Variants in ACTR3C observed in about 807,000 individuals in gnomAD.
ACTR3C encodes the protein actin related protein 3C, also known as actin-related protein 3C.
A neutral mutation model predicts 26.3 loss-of-function variants in ACTR3C; 18 were observed. The ratio of observed to expected loss-of-function variants is 0.68; its 90% confidence interval spans 0.47 to 1.01. ACTR3C has a LOEUF of 1.01. ACTR3C is among the 50% of genes least tolerant of loss of function. The pLI, the probability that ACTR3C is intolerant of heterozygous loss-of-function variation, is 0.00. For synonymous variants in ACTR3C, 55 were observed against 94.5 expected, an observed-to-expected ratio of 0.58 and a Z score of 2.42; for missense variants, 184 against 250.7, an observed-to-expected ratio of 0.73 and a Z score of 1.80.
the ACTR3C span, among the ~76,000 whole-genome samples, chr7:150,144,519 T>C: frequency 1.3e-5 from 2 of 150,082 alleles, no homozygotes; most frequent in African/African-American, 5.1e-5. The surrounding 1 kb of genome is among the most constrained non-coding windows in gnomAD (Gnocchi z 4.6). Flanking sequence ...AATAATATTA[T>C]TTTTTGTCCA....
At chr7:149,965,576 G>A in the ACTR3C span, among the ~76,000 whole-genome samples, 64 of 151,850 alleles carry the variant, frequency 4.2e-4, 3 homozygotes, top group East Asian at 2.9e-3. Context: ...TATTTGAAGG[G>A]AAAAGGCCTT....
At chr7:149,902,048 C>CA in the ACTR3C span, among the ~76,000 whole-genome samples, 4 of 150,542 alleles carry the variant, frequency 2.7e-5, no homozygotes, top group Non-Finnish European at 5.9e-5. Flanking sequence ...TCCTAAATGC[C>CA]AAAAAAGTCA....
chr7:150,226,416 C>G, the ACTR3C span, among the ~76,000 whole-genome samples: 1 of 151,912 alleles, frequency 6.6e-6, no homozygotes, highest in Non-Finnish European at 1.5e-5. Context: ...GTAATAGTAC[C>G]TCATTGCTTT....
the ACTR3C span, among the ~76,000 whole-genome samples, chr7:150,176,790 G>A: frequency 2.0e-5 from 3 of 150,756 alleles, no homozygotes; most frequent in Non-Finnish European, 4.4e-5. Flanking sequence ...CAGGAAACTC[G>A]GGGATCTTAT....
chr7:150,299,487 A>AAAAAAAAC (rs1795246510), intron 1 of ACTR3C, among the ~76,000 whole-genome samples: 1 of 143,622 alleles, frequency 7.0e-6, no homozygotes, highest in African/African-American at 2.8e-5. Context: ...AAAAAAAAAA[A>AAAAAAAAC]AAAAAAACAA....
chr7:150,232,417 C>T, the ACTR3C span, among the ~76,000 whole-genome samples: 1 of 151,846 alleles, frequency 6.6e-6, no homozygotes, highest in Non-Finnish European at 1.5e-5. Flanking sequence ...TTTCTATTTG[C>T]TATATTTGTT....
At chr7:150,033,309 C>G in the ACTR3C span, among the ~76,000 whole-genome samples, 2 of 152,186 alleles carry the variant, frequency 1.3e-5, no homozygotes, top group Admixed American at 1.3e-4. Flanking sequence ...CTGGGCTTTG[C>G]GTTTGCTCTA....
chr7:150,063,981 A>G, the ACTR3C span, among the ~76,000 whole-genome samples: 1 of 151,862 alleles, frequency 6.6e-6, no homozygotes, highest in African/African-American at 2.4e-5. Flanking sequence ...CCCACTTCCT[A>G]GAAGAAAAAT....
the ACTR3C span, among the ~76,000 whole-genome samples, chr7:150,158,851 C>T: frequency 6.8e-6 from 1 of 147,154 alleles, no homozygotes; most frequent in South Asian, 2.3e-4. Context: ...CACAGGCACA[C>T]ACACAGGCAT....
the ACTR3C span, among the ~76,000 whole-genome samples, chr7:149,905,597 G>A: frequency 1.2e-4 from 18 of 150,690 alleles, no homozygotes; most frequent in South Asian, 2.6e-3. Flanking sequence ...AAGTATCTGC[G>A]AAAAATTCAT....
intron 3 of ACTR3C, among the ~76,000 whole-genome samples, chr7:150,289,803 T>C (rs959207729): frequency 3.3e-5 from 5 of 152,174 alleles, no homozygotes; most frequent in African/African-American, 1.2e-4. Context: ...AATTCCAGAT[T>C]ATTCCAATAA....
At chr7:149,911,131 A>G in the ACTR3C span, among the ~76,000 whole-genome samples, 1 of 152,054 alleles carries the variant, frequency 6.6e-6, no homozygotes, top group East Asian at 1.9e-4. Flanking sequence ...GATGGAGGCA[A>G]TAGAGAGCCT....
chr7:150,106,813 C>A, the ACTR3C span, among the ~76,000 whole-genome samples: 7 of 145,292 alleles, frequency 4.8e-5, no homozygotes, highest in East Asian at 1.4e-3. Context: ...TTGGGGCATA[C>A]AGGTGCTTCC....
chr7:150,200,238 C>T, the ACTR3C span, among the ~76,000 whole-genome samples: 2 of 152,052 alleles, frequency 1.3e-5, no homozygotes, highest in Admixed American at 6.6e-5. Flanking sequence ...TTAGAATTAA[C>T]CTATTAGATT....
the ACTR3C span, among the ~76,000 whole-genome samples, chr7:150,012,664 C>T: frequency 6.7e-6 from 1 of 149,750 alleles, no homozygotes; most frequent in East Asian, 2.0e-4. Context: ...AAATGTTTTT[C>T]CCACTTTTTG....
chr7:150,190,980 C>G, the ACTR3C span, among the ~76,000 whole-genome samples: 1 of 152,138 alleles, frequency 6.6e-6, no homozygotes, highest in African/African-American at 2.4e-5. Flanking sequence ...AGTGACTGCC[C>G]CCATGATTCA....
chr7:150,190,785 T>C, the ACTR3C span, among the ~76,000 whole-genome samples: 1 of 152,212 alleles, frequency 6.6e-6, no homozygotes, highest in Non-Finnish European at 1.5e-5. Context: ...AGAGGTTTAA[T>C]TGACTCCCAG....
the ACTR3C span, among the ~76,000 whole-genome samples, chr7:150,014,098 C>T: frequency 0.085 from 12,944 of 151,992 alleles, 1,085 homozygotes; most frequent in East Asian, 0.23. Context: ...CATGTAGCAG[C>T]CCAGTGCACT....
At chr7:150,298,649 AC>A (rs1251478335) in intron 1 of ACTR3C, among the ~76,000 whole-genome samples, 1 of 146,752 alleles carries the variant, frequency 6.8e-6, no homozygotes, top group African/African-American at 2.6e-5. Context: ...AGTTGCTATT[AC>A]TAAAATTATC....
Sources: allele counts gnomAD v4.1 joint callset (sites outside exome capture counted in the v4.1 genomes callset), GRCh38; gene constraint gnomAD v4.1.1; non-coding constraint Gnocchi (gnomAD v3.1); transcripts MANE v1.5; gene names NCBI Gene and HGNC (gene_info 2026-07-23, HGNC 2026-07-21).